SLC39A11: variants seen among roughly 807,000 people sequenced by gnomAD.
The protein encoded by SLC39A11 is solute carrier family 39 member 11.
A neutral mutation model predicts 36.1 loss-of-function variants in SLC39A11; 33 were observed. That is an observed-to-expected ratio of 0.91 (90% CI 0.69 to 1.22). The LOEUF (loss-of-function observed/expected upper bound fraction) is 1.22, where lower values mean the gene tolerates loss of function less well. Ranked by LOEUF, SLC39A11 falls within the 50% of genes most tolerant of loss-of-function variation. SLC39A11 has a pLI of 0.00. For synonymous variants in SLC39A11, 166 were observed against 170.3 expected (o/e 0.97, Z 0.20); for missense variants, 432 against 430.3 (o/e 1.00, Z -0.03).
At chr17:72,663,825 G>A (rs1567919641) in intron 7 of SLC39A11, 1 of 152,216 alleles carries the variant, frequency 6.6e-6, no homozygotes, top group African/African-American at 2.4e-5. Flanking sequence ...CATCAGGGGA[G>A]GAGATGCAAC....
At chr17:72,957,905 G>C (rs907057699) in intron 4 of SLC39A11, among the ~76,000 whole-genome samples, 1 of 151,930 alleles carries the variant, frequency 6.6e-6, no homozygotes, top group African/African-American at 2.4e-5. Flanking sequence ...CAGGAGAATC[G>C]CTTGAACCTA....
chr17:73,083,650 C>T (rs1313409785), intron 3 of SLC39A11, among the ~76,000 whole-genome samples: 1 of 151,864 alleles, frequency 6.6e-6, no homozygotes, highest in Non-Finnish European at 1.5e-5. Flanking sequence ...GGCAGCACCA[C>T]GAGGAAGTAA....
chr17:72,933,499 T>G (rs1049123633), intron 5 of SLC39A11, among the ~76,000 whole-genome samples: 2 of 152,156 alleles, frequency 1.3e-5, no homozygotes, highest in South Asian at 2.1e-4. Context: ...ATGGATTCAG[T>G]GCAACCCCAG....
intron 5 of SLC39A11, among the ~76,000 whole-genome samples, chr17:72,888,128 A>G (rs896701542): frequency 1.5e-4 from 23 of 152,250 alleles, no homozygotes; most frequent in Admixed American, 1.5e-3. Context: ...GTCAGTACTG[A>G]ATAACTATTC....
At chr17:72,704,111 G>A (rs2072779130) in intron 7 of SLC39A11, among the ~76,000 whole-genome samples, 1 of 152,190 alleles carries the variant, frequency 6.6e-6, no homozygotes, top group Admixed American at 6.5e-5. Context: ...CTGGACGACG[G>A]AGTGAGACTC....
intron 6 of SLC39A11, among the ~76,000 whole-genome samples, chr17:72,762,850 G>A (rs563996152): frequency 8.5e-5 from 13 of 152,222 alleles, no homozygotes; most frequent in East Asian, 3.9e-4. Context: ...ATGCCCAGGC[G>A]GTTCCACTCT....
At chr17:73,072,762 G>A (rs552723878) in intron 3 of SLC39A11, among the ~76,000 whole-genome samples, 1 of 152,186 alleles carries the variant, frequency 6.6e-6, no homozygotes, top group South Asian at 2.1e-4. Flanking sequence ...CAGGCCAACA[G>A]TCAGGCTTGT....
rs2069572825 is a variant in SLC39A11 at position 72,646,579 on chromosome 17, A to AGG, written c.*1004_*1005insCC. 7.7e-6 allele frequency: 1 copy of AGG among 129,812 alleles called. No individual in the cohort carries two copies. The highest frequency in any genetic ancestry group is 1.7e-5 in the Non-Finnish European group (1 of 57,714). 8.0% of individuals were successfully genotyped at this position (129,812 alleles called of 1,614,324 possible). ...TGAGCCCTCTGGCAAGGCCTGTTGC[A>AGG]GCTCAAGAGTTTTTGTCAGATTATA... On this transcript the variant is annotated 3_prime_UTR_variant, in exon 10 of 10. Transcript: ENST00000255559.
intron 3 of SLC39A11, among the ~76,000 whole-genome samples, chr17:73,084,165 C>T (rs1033869838): frequency 2.6e-5 from 4 of 152,060 alleles, no homozygotes; most frequent in African/African-American, 9.7e-5. Context: ...ATGCTGGGTT[C>T]CATAACTCAC....
chr17:72,834,539 T>A (rs2078433194), intron 6 of SLC39A11, among the ~76,000 whole-genome samples: 1 of 151,972 alleles, frequency 6.6e-6, no homozygotes, highest in Admixed American at 6.6e-5. Flanking sequence ...GGAGAATAGG[T>A]TGAACCTGGG....
rs56036208 is a variant in SLC39A11 at position 72,949,144 on chromosome 17, C to CTTTTT, written c.307-1274_307-1270dup. 1.7e-3 allele frequency among the ~76,000 whole-genome samples: 63 copies of CTTTTT among 36,510 alleles called. 10 individuals carry two copies. The highest frequency in any genetic ancestry group is 2.8e-3 in the Admixed American group (5 of 1,802). The allele number at this position is 36,510 out of a possible 152,430, so 24.0% of individuals were successfully genotyped here. On this transcript the variant is annotated intron_variant, in intron 4 of 9. Coordinates refer to ENST00000255559, the MANE Select transcript of SLC39A11 (RefSeq NM_139177.4). ...AAATAAAATACCATACACTGGGCAG[C>CTTTTT]TTTTTTTTTTTTTTTTTTTTTTTTT... is the stretch of plus-strand genomic sequence containing the variant.
chr17:72,809,993 G>A (rs1036630710), intron 6 of SLC39A11, among the ~76,000 whole-genome samples: 2 of 151,498 alleles, frequency 1.3e-5, no homozygotes, highest in East Asian at 1.9e-4. Context: ...GAACCCAGGA[G>A]GCAGAAGTTG....
At chr17:72,671,567 A>C (rs2071021205) in intron 7 of SLC39A11, among the ~76,000 whole-genome samples, 1 of 152,156 alleles carries the variant, frequency 6.6e-6, no homozygotes, top group African/African-American at 2.4e-5. Context: ...CTAAAAATAC[A>C]AAAATTAGCT....
At chr17:72,952,660 ATTTCTGGTTTGG>A (rs1348163953) in intron 4 of SLC39A11, among the ~76,000 whole-genome samples, 1 of 152,142 alleles carries the variant, frequency 6.6e-6, no homozygotes, top group Non-Finnish European at 1.5e-5. Context: ...TGTTGTTTAC[ATTTCTGGTTTGG>A]TTTGGTTTGA....
chr17:73,076,211 T>C (rs921855464), intron 3 of SLC39A11, among the ~76,000 whole-genome samples: 3 of 146,484 alleles, frequency 2.0e-5, no homozygotes, highest in Non-Finnish European at 4.5e-5. Flanking sequence ...AGAAAGACAA[T>C]GATTACTAGA....
At chr17:72,813,746 C>A (rs112089518) in intron 6 of SLC39A11, among the ~76,000 whole-genome samples, 14 of 152,276 alleles carry the variant, frequency 9.2e-5, no homozygotes, top group South Asian at 2.1e-4. Context: ...TACAAAAGTA[C>A]GCCAGGAGCT....
chr17:72,818,315 C>T (rs563369777), intron 6 of SLC39A11, among the ~76,000 whole-genome samples: 1 of 152,140 alleles, frequency 6.6e-6, no homozygotes, highest in Admixed American at 6.5e-5. Flanking sequence ...TCTGAAAGCC[C>T]CAGGCTGTGG....
At chr17:72,652,276 T>C (rs1397104730) in intron 7 of SLC39A11, among the ~76,000 whole-genome samples, 1 of 152,218 alleles carries the variant, frequency 6.6e-6, no homozygotes, top group Non-Finnish European at 1.5e-5. Context: ...CCACAGACCC[T>C]GGGCATTGCA....
At chr17:72,951,873 T>C (rs1292027692) in intron 4 of SLC39A11, among the ~76,000 whole-genome samples, 1 of 152,188 alleles carries the variant, frequency 6.6e-6, no homozygotes, top group African/African-American at 2.4e-5. Context: ...GCTCAAACAC[T>C]GACTCCCTCT....
Sources: allele counts gnomAD v4.1 joint callset (sites outside exome capture counted in the v4.1 genomes callset), GRCh38; gene constraint gnomAD v4.1.1; transcripts MANE v1.5; gene names NCBI Gene and HGNC (gene_info 2026-07-23, HGNC 2026-07-21).